Variants in DLGAP2 observed in about 807,000 individuals in gnomAD.
DLGAP2 encodes the protein disks large-associated protein 2.
Under a neutral mutation model 100.3 loss-of-function variants are expected in DLGAP2, and 26 were observed. The ratio of observed to expected loss-of-function variants is 0.26; its 90% CI spans 0.19 to 0.36. The LOEUF (loss-of-function observed/expected upper bound fraction) is 0.36, where lower values mean the gene tolerates loss of function less well. Ranked by LOEUF, DLGAP2 falls within the 10% of genes least tolerant of loss-of-function variation. The pLI, the probability that DLGAP2 is intolerant of heterozygous loss-of-function variation, is 1.00. For synonymous variants in DLGAP2, 886 were observed against 630.1 expected, an observed-to-expected ratio of 1.41 and a Z score of -6.08; for missense variants, 1,858 against 1,453.2, an observed-to-expected ratio of 1.28 and a Z score of -4.53.
chr8:962,198 G>C (rs1799741851), intron 2 of DLGAP2, among the ~76,000 whole-genome samples: 1 of 152,114 alleles, frequency 6.6e-6, no homozygotes, highest in South Asian at 2.1e-4. Flanking sequence ...CAAATTCTGA[G>C]GAATTAGTTG....
rs573929018 is a variant in DLGAP2 at position 1,316,877 on chromosome 8, G to C, written c.106+57994G>C. Among the ~76,000 whole-genome samples, 607 of 135,230 alleles carry C rather than the reference G, an allele frequency of 4.5e-3. 5 individuals carry two copies. Among genetic ancestry groups the C allele is most frequent in the African/African-American group, 0.017 (557 of 32,728 alleles). 88.7% of individuals were successfully genotyped at this position (135,230 alleles called of 152,430 possible). On this transcript the variant is annotated intron_variant, in intron 3 of 14. Transcript: ENST00000637795. ...ACAGTGGTCTACACTCGAGAAACTC[G>C]GCAGCTTTTAAAAATAGAGCGTGTG... is the stretch of plus-strand genomic sequence containing the variant.
At chr8:1,491,218 C>A (rs1799375432) in intron 3 of DLGAP2, among the ~76,000 whole-genome samples, 1 of 152,036 alleles carries the variant, frequency 6.6e-6, no homozygotes, top group Non-Finnish European at 1.5e-5. Flanking sequence ...AAAATGCTCG[C>A]TGTTTCTCTG....
chr8:1,468,479 G>A (rs1328438886), intron 3 of DLGAP2, among the ~76,000 whole-genome samples: 2 of 152,110 alleles, frequency 1.3e-5, no homozygotes, highest in South Asian at 2.1e-4. Context: ...ACATCGCATG[G>A]ATCCGGGCTG....
chr8:806,405 G>C (rs904896423), intron 1 of DLGAP2, among the ~76,000 whole-genome samples: 2 of 152,184 alleles, frequency 1.3e-5, no homozygotes, highest in African/African-American at 4.8e-5. Context: ...AGTGGCGTGC[G>C]CGTCTCTGGA....
chr8:1,156,112 G>T (rs1585107894), intron 2 of DLGAP2, among the ~76,000 whole-genome samples: 1 of 152,186 alleles, frequency 6.6e-6, no homozygotes, highest in Non-Finnish European at 1.5e-5. Context: ...CCTGTTTCAG[G>T]GGCCGCAGGT....
intron 10 of DLGAP2, among the ~76,000 whole-genome samples, chr8:1,672,963 G>A (rs4577979): frequency 0.052 from 7,952 of 152,254 alleles, 767 homozygotes; most frequent in East Asian, 0.41. Flanking sequence ...TGCCAGCCCC[G>A]CCCACTTTCA....
intron 1 of DLGAP2, among the ~76,000 whole-genome samples, chr8:816,627 T>C (rs966456836): frequency 2.0e-5 from 3 of 152,206 alleles, no homozygotes; most frequent in African/African-American, 7.2e-5. Flanking sequence ...GGTTAGCTGA[T>C]GCTTTTGCCT....
chr8:1,527,261 CT>C (rs947382592), intron 4 of DLGAP2, among the ~76,000 whole-genome samples: 1 of 152,230 alleles, frequency 6.6e-6, no homozygotes, highest in Admixed American at 6.5e-5. Context: ...TCACCAGAGC[CT>C]TTGCTGCCCC....
chr8:1,684,523 G>C (rs1023365607), intron 12 of DLGAP2, among the ~76,000 whole-genome samples: 1 of 152,050 alleles, frequency 6.6e-6, no homozygotes, highest in African/African-American at 2.4e-5. Context: ...TCCATTATAT[G>C]AAGTAATTTT....
At chr8:1,342,087 G>A (rs1801431159) in intron 3 of DLGAP2, among the ~76,000 whole-genome samples, 1 of 152,012 alleles carries the variant, frequency 6.6e-6, no homozygotes, top group African/African-American at 2.4e-5. Context: ...GGTAGCTGGG[G>A]CAACAGGCAG....
In DLGAP2 at chr8:1,683,689, G is replaced by A. The variant is rs181148507; in HGVS notation, c.2704+5060G>A. On this transcript the variant is annotated intron_variant, in intron 12 of 14. Transcript: ENST00000637795. ...TTAGCGAACAGGATGCCACACTCCT[G>A]CTCACACCTTTATAAAAGCAGAACA... Among the ~76,000 whole-genome samples the A allele has an allele frequency of 1.2e-3, 173 of 149,072 alleles. 4 individuals are homozygous for A. The highest frequency in any genetic ancestry group is 0.011 in the Admixed American group (170 of 15,072).
chr8:1,487,720 C>A (rs1396030398), intron 3 of DLGAP2, among the ~76,000 whole-genome samples: 1 of 152,182 alleles, frequency 6.6e-6, no homozygotes, highest in African/African-American at 2.4e-5. Flanking sequence ...AGGCCAGGTC[C>A]CACCTGTGCA....
In DLGAP2 at chr8:1,591,304, T is replaced by A. The variant is rs139933711; in HGVS notation, c.1442+25410T>A. Among the ~76,000 whole-genome samples, 504 of 152,166 alleles carry A rather than the reference T, an allele frequency of 3.3e-3. 1 individual carries two copies. Among genetic ancestry groups the A allele is most frequent in the African/African-American group, 0.011 (474 of 41,542 alleles). On this transcript the variant is annotated intron_variant, in intron 6 of 14. Transcript: ENST00000637795. ...CACTCACACCCCCTCCCCCTCCCTCTTCCTAACGCTGGCTCCATGTGGGCC... is the reference window on the plus strand; with the variant it reads ...CACTCACACCCCCTCCCCCTCCCTCATCCTAACGCTGGCTCCATGTGGGCC...
intron 2 of DLGAP2, among the ~76,000 whole-genome samples, chr8:940,596 G>C (rs972064209): frequency 1.3e-5 from 2 of 152,164 alleles, no homozygotes; most frequent in African/African-American, 2.4e-5. Context: ...TCTGGCAACA[G>C]CTGGGGAGGG....
At chr8:1,378,646 TC>T (rs1428748841) in intron 3 of DLGAP2, among the ~76,000 whole-genome samples, 1 of 152,226 alleles carries the variant, frequency 6.6e-6, no homozygotes, top group African/African-American at 2.4e-5. Flanking sequence ...GCCTCATCTG[TC>T]CGTCCTGCAC....
chr8:1,549,268 C>G lies in DLGAP2; in HGVS notation c.815C>G (p.Ala272Gly). ...RADDHHHAHH[A>G]KHSKRSKSKE... ...GACGACCACCACCACGCCCACCACG[C>G]CAAGCACAGCAAGAGGAGCAAGAGC... The change falls in exon 5 of 15, where the codon GCC (alanine) becomes GGC (glycine). Residue 272 changes from alanine (A) to glycine (G), a missense_variant. Coordinates refer to ENST00000637795, the MANE Select transcript of DLGAP2 (RefSeq NM_001346810.2). 1 of 1,611,346 alleles carries G rather than the reference C, an allele frequency of 6.2e-7. No individual in the cohort carries two copies. The highest frequency in any genetic ancestry group is 8.5e-7 in the Non-Finnish European group (1 of 1,179,438).
At chr8:1,001,436 C>G (rs1800952710) in intron 2 of DLGAP2, among the ~76,000 whole-genome samples, 1 of 152,188 alleles carries the variant, frequency 6.6e-6, no homozygotes, top group African/African-American at 2.4e-5. Context: ...TATAATCTCT[C>G]AAACTTTTCA....
At chr8:957,540 C>T (rs1224691224) in intron 2 of DLGAP2, among the ~76,000 whole-genome samples, 3 of 152,202 alleles carry the variant, frequency 2.0e-5, no homozygotes, top group Non-Finnish European at 2.9e-5. Context: ...TGTCCATGTT[C>T]TACCGTTAGA....
intron 3 of DLGAP2, among the ~76,000 whole-genome samples, chr8:1,319,355 A>C (rs1051102726): frequency 6.6e-6 from 1 of 152,222 alleles, no homozygotes; most frequent in African/African-American, 2.4e-5. Context: ...TCAGAGGTTC[A>C]TGCAGGTGTT....
Sources: allele counts gnomAD v4.1 joint callset (sites outside exome capture counted in the v4.1 genomes callset), GRCh38; gene constraint gnomAD v4.1.1; transcripts MANE v1.5; gene names NCBI Gene and HGNC (gene_info 2026-07-23, HGNC 2026-07-21).